The following MDGA2 variants were observed in gnomAD, a reference collection of about 807,000 sequenced individuals.
MDGA2 encodes MAM domain-containing glycosylphosphatidylinositol anchor protein 2.
MDGA2 carries 40 observed loss-of-function variants against 117.8 expected under a neutral mutation model. That is an observed-to-expected ratio of 0.34 (90% CI 0.26 to 0.44). The LOEUF is 0.44. Among genes scored for constraint, MDGA2 ranks in the 20% least tolerant of loss-of-function variants. MDGA2 has a pLI of 1.00. For synonymous variants in MDGA2, 452 were observed against 439.0 expected (o/e 1.03, Z -0.37); for missense variants, 1,123 against 1,250.6 (o/e 0.90, Z 1.54).
intron 8 of MDGA2, among the ~76,000 whole-genome samples, chr14:46,965,560 A>G (rs939762817): frequency 6.6e-6 from 1 of 152,166 alleles, no homozygotes; most frequent in African/African-American, 2.4e-5. Flanking sequence ...CAAAAAAGCT[A>G]AATAATATTA....
intron 1 of MDGA2, among the ~76,000 whole-genome samples, chr14:47,320,654 C>T (rs538038148): frequency 1.3e-5 from 2 of 152,200 alleles, no homozygotes; most frequent in African/African-American, 4.8e-5. Flanking sequence ...AATAATGATG[C>T]TCTCAACCTT....
In MDGA2 at chr14:47,216,974, C is replaced by T. The variant is rs1458075525; in HGVS notation, c.595+1047G>A. ...TGGAGAGGATGAAACAAGGATTTCT[C>T]CCCCATCCTTTCCAGAAGGAAAGCA... On this transcript the variant is annotated intron_variant, in intron 3 of 16. Transcript: ENST00000399232. 2.0e-5 allele frequency among the ~76,000 whole-genome samples: 3 copies of T among 152,072 alleles called. No individual in the cohort carries two copies. In the East Asian group the frequency reaches 5.8e-4, roughly 29 times the overall value.
At chr14:47,158,158 T>A (rs1883476557) in intron 3 of MDGA2, among the ~76,000 whole-genome samples, 2 of 152,186 alleles carry the variant, frequency 1.3e-5, no homozygotes, top group Admixed American at 6.5e-5. Flanking sequence ...GATACACAAA[T>A]ATATATCACT....
intron 1 of MDGA2, among the ~76,000 whole-genome samples, chr14:47,596,496 CGTTT>C (rs770913637): frequency 4.5e-4 from 69 of 152,236 alleles, no homozygotes; most frequent in Non-Finnish European, 8.5e-4. Flanking sequence ...ATGCACGTGA[CGTTT>C]GTTTTTGACC....
chr14:46,890,902 G>A (rs1882855463), intron 10 of MDGA2, among the ~76,000 whole-genome samples: 1 of 151,902 alleles, frequency 6.6e-6, no homozygotes, highest in African/African-American at 2.4e-5. Flanking sequence ...ATAAATTAAG[G>A]GTGTTATGAT....
chr14:46,977,999 G>A (rs570666119), intron 8 of MDGA2, among the ~76,000 whole-genome samples: 27 of 151,906 alleles, frequency 1.8e-4, no homozygotes, highest in Non-Finnish European at 3.1e-4. Context: ...TTTTGCTTAT[G>A]GCTTAACAGT....
chr14:46,983,161 C>T (rs1886746486), intron 8 of MDGA2, among the ~76,000 whole-genome samples: 1 of 151,926 alleles, frequency 6.6e-6, no homozygotes, highest in African/African-American at 2.4e-5. Flanking sequence ...AAATATAGCC[C>T]ATATCTATGC....
At chr14:47,091,099 TCA>T (rs1264432930) in intron 6 of MDGA2, among the ~76,000 whole-genome samples, 1 of 152,158 alleles carries the variant, frequency 6.6e-6, no homozygotes, top group Non-Finnish European at 1.5e-5. Context: ...GTTGGTCACA[TCA>T]CACAAATTAT....
chr14:47,483,250 T>C (rs1893991184), intron 1 of MDGA2, among the ~76,000 whole-genome samples: 1 of 152,114 alleles, frequency 6.6e-6, no homozygotes, highest in Non-Finnish European at 1.5e-5. Context: ...TACATTACTT[T>C]TACTTTAAGT....
At chr14:47,034,713 A>T (rs572700254) in intron 8 of MDGA2, among the ~76,000 whole-genome samples, 2 of 139,620 alleles carry the variant, frequency 1.4e-5, no homozygotes, top group South Asian at 4.8e-4. Context: ...ACCAGATAAC[A>T]CCATCATAAT....
chr14:47,139,031 T>G (rs1203072807), intron 4 of MDGA2, among the ~76,000 whole-genome samples: 1 of 152,096 alleles, frequency 6.6e-6, no homozygotes, highest in Non-Finnish European at 1.5e-5. Flanking sequence ...CTATAGTTAT[T>G]AACATATAAT....
At chr14:46,853,920 A>G (rs934580021) in intron 15 of MDGA2, among the ~76,000 whole-genome samples, 1 of 151,806 alleles carries the variant, frequency 6.6e-6, no homozygotes, top group South Asian at 2.1e-4. Context: ...TCATTTTCAC[A>G]ATTGTATTGA....
At chr14:47,359,587 A>G (rs934460531) in intron 1 of MDGA2, among the ~76,000 whole-genome samples, 12 of 151,724 alleles carry the variant, frequency 7.9e-5, no homozygotes, top group African/African-American at 2.9e-4. Context: ...GGATATCCAC[A>G]GGCAAAAGAA....
chr14:47,540,109 G>T (rs1046127852), intron 1 of MDGA2, among the ~76,000 whole-genome samples: 3 of 152,128 alleles, frequency 2.0e-5, no homozygotes, highest in Non-Finnish European at 4.4e-5. Context: ...GCCCCCCGGG[G>T]TTCACGCCAT....
chr14:47,214,092 C>T (rs1398564714), intron 3 of MDGA2, among the ~76,000 whole-genome samples: 1 of 152,034 alleles, frequency 6.6e-6, no homozygotes, highest in African/African-American at 2.4e-5. Flanking sequence ...GAAGAGACCA[C>T]CTGCATGATT....
intron 8 of MDGA2, among the ~76,000 whole-genome samples, chr14:47,021,662 G>C (rs986178665): frequency 6.6e-6 from 1 of 152,068 alleles, no homozygotes; most frequent in Non-Finnish European, 1.5e-5. Context: ...ACAATTAATA[G>C]AGTATGGTTT....
At chr14:47,472,034 T>C (rs2138617142) in intron 1 of MDGA2, among the ~76,000 whole-genome samples, 1 of 152,294 alleles carries the variant, frequency 6.6e-6, no homozygotes, top group African/African-American at 2.4e-5. Flanking sequence ...ATGTGAACTA[T>C]GTGATTCTTT....
chr14:47,620,210 A>G (rs1897025117), intron 1 of MDGA2, among the ~76,000 whole-genome samples: 1 of 152,262 alleles, frequency 6.6e-6, no homozygotes, highest in South Asian at 2.1e-4. Flanking sequence ...TTATCAAACT[A>G]TGAATCACTG....
chr14:47,150,462 C>A (rs548016309), intron 3 of MDGA2, among the ~76,000 whole-genome samples: 2 of 152,072 alleles, frequency 1.3e-5, no homozygotes, highest in Non-Finnish European at 2.9e-5. Flanking sequence ...TTCTCCACTG[C>A]GTAAAAGGAA....
Sources: gnomAD v4.1 joint callset for allele counts (sites outside exome capture counted in the v4.1 genomes callset) on GRCh38, gnomAD v4.1.1 for gene constraint, MANE v1.5 for transcripts, NCBI Gene and HGNC (gene_info 2026-07-23, HGNC 2026-07-21) for gene names.